The following ADAMTS6 variants were observed in gnomAD, a reference collection of about 807,000 sequenced individuals.
ADAMTS6 encodes the protein ADAM metallopeptidase with thrombospondin type 1 motif 6.
A neutral mutation model predicts 144.3 loss-of-function variants in ADAMTS6; 23 were observed. The ratio of observed to expected loss-of-function variants is 0.16; its 90% CI spans 0.11 to 0.23. The LOEUF is 0.23. Ranked by LOEUF, ADAMTS6 falls within the 10% of genes least tolerant of loss-of-function variation. The pLI is 1.00. For missense variants in ADAMTS6, 999 were observed against 1,379.6 expected, an observed-to-expected ratio of 0.72 and a Z score of 4.37; for synonymous variants, 444 against 457.5, an observed-to-expected ratio of 0.97 and a Z score of 0.38.
At chr5:65,428,450 C>A (rs1438769460) in intron 7 of ADAMTS6, among the ~76,000 whole-genome samples, 1 of 152,068 alleles carries the variant, frequency 6.6e-6, no homozygotes, top group African/African-American at 2.4e-5. Flanking sequence ...CATTCAAACT[C>A]ATGAATATAA....
chr5:65,195,174 GA>G (rs1312051377), intron 21 of ADAMTS6, among the ~76,000 whole-genome samples: 7 of 152,178 alleles, frequency 4.6e-5, no homozygotes, highest in Non-Finnish European at 1.0e-4. Context: ...TGGAAACATA[GA>G]AAGGGACAAA....
intron 13 of ADAMTS6, among the ~76,000 whole-genome samples, chr5:65,262,354 T>C (rs1416723716): frequency 1.3e-5 from 2 of 152,242 alleles, no homozygotes; most frequent in Non-Finnish European, 2.9e-5. Context: ...CTTTTCATTG[T>C]GATTTGTGAT....
chr5:65,333,945 A>G, intron 8 of ADAMTS6, 97 bp downstream of exon 8: 1 of 1,196,802 alleles, frequency 8.4e-7, no homozygotes, highest in South Asian at 2.9e-5. Context: ...AATTAATAAT[A>G]AAGATTAAAG....
chr5:65,207,726 G>T (rs989855512), intron 20 of ADAMTS6, among the ~76,000 whole-genome samples: 2 of 152,202 alleles, frequency 1.3e-5, no homozygotes, highest in African/African-American at 2.4e-5. Context: ...TAATTTAAAA[G>T]AAAACAAATT....
intron 12 of ADAMTS6, among the ~76,000 whole-genome samples, chr5:65,269,104 G>T (rs997337658): frequency 6.6e-6 from 1 of 152,064 alleles, no homozygotes; most frequent in Non-Finnish European, 1.5e-5. Flanking sequence ...ACTCTCTACT[G>T]CCAGCTAAGG....
chr5:65,173,741 C>T (rs1561248235), intron 22 of ADAMTS6, among the ~76,000 whole-genome samples: 1 of 152,092 alleles, frequency 6.6e-6, no homozygotes, highest in Non-Finnish European at 1.5e-5. Context: ...ATATGTAATT[C>T]AGGCCAGGCA....
chr5:65,231,759 A>G (rs1440217999), intron 15 of ADAMTS6, among the ~76,000 whole-genome samples: 1 of 152,200 alleles, frequency 6.6e-6, no homozygotes, highest in Non-Finnish European at 1.5e-5. Flanking sequence ...ATTAAAGAAC[A>G]TGCTCCTGAA....
At chr5:65,185,008 G>C (rs535763490) in intron 22 of ADAMTS6, among the ~76,000 whole-genome samples, 1 of 152,276 alleles carries the variant, frequency 6.6e-6, no homozygotes, top group Admixed American at 6.5e-5. Context: ...GAAGTGGGGA[G>C]GGGGCAGAAA....
At chr5:65,292,229 T>C (rs1742382950) in intron 10 of ADAMTS6, among the ~76,000 whole-genome samples, 1 of 152,158 alleles carries the variant, frequency 6.6e-6, no homozygotes, top group South Asian at 2.1e-4. Context: ...CTTTGCTAAA[T>C]ATAATTGTTC....
chr5:65,210,478 G>A lies in ADAMTS6; in HGVS notation c.2575+4316C>T, dbSNP rs149037636. ...AAAAAAAAAAAAAAAAAAGATCTAT[G>A]AAGGCCAAGCGGAGTTGATTGGAGA... On this transcript the variant is annotated intron_variant, in intron 20 of 24. Coordinates refer to ENST00000381055, the MANE Select transcript of ADAMTS6 (RefSeq NM_197941.4). The A allele has an allele frequency of 7.5e-3, 1,751 of 233,272 alleles. 94 individuals carry two copies. In the Admixed American group the frequency reaches 0.075, roughly 10 times the overall value. The allele number at this position is 233,272 out of a possible 1,614,324, so 14.5% of individuals were successfully genotyped here. A position where few individuals can be genotyped will look rare whatever the true frequency, so the allele number is the denominator to read the frequency against.
intron 7 of ADAMTS6, among the ~76,000 whole-genome samples, chr5:65,390,373 T>TGTG (rs1752813327): frequency 6.6e-6 from 1 of 152,194 alleles, no homozygotes; most frequent in African/African-American, 2.4e-5. Flanking sequence ...TAGAGTAGGC[T>TGTG]GACAGAGATT....
intron 7 of ADAMTS6, among the ~76,000 whole-genome samples, chr5:65,442,879 T>TC (rs752158032): frequency 4.6e-5 from 7 of 152,152 alleles, no homozygotes; most frequent in Non-Finnish European, 8.8e-5. Context: ...CCTCCCTGTG[T>TC]CCATGTGTTC....
chr5:65,247,834 C>A (rs1019149362), intron 14 of ADAMTS6, among the ~76,000 whole-genome samples: 1 of 152,084 alleles, frequency 6.6e-6, no homozygotes, highest in Non-Finnish European at 1.5e-5. Flanking sequence ...GCTTTCATAC[C>A]AAATTCACTC....
intron 7 of ADAMTS6, among the ~76,000 whole-genome samples, chr5:65,347,836 G>T (rs1032816018): frequency 7.4e-4 from 112 of 151,774 alleles, no homozygotes; most frequent in African/African-American, 2.6e-3. Flanking sequence ...AGAATCTTCT[G>T]ATCCATAGAA....
intron 9 of ADAMTS6, among the ~76,000 whole-genome samples, chr5:65,323,229 TA>T (rs1745799367): frequency 6.6e-6 from 1 of 151,136 alleles, no homozygotes; most frequent in Non-Finnish European, 1.5e-5. Flanking sequence ...ACTCGTCATT[TA>T]GCATTAGGTA....
chr5:65,181,933 T>C (rs932990311), intron 22 of ADAMTS6, among the ~76,000 whole-genome samples: 2 of 152,212 alleles, frequency 1.3e-5, no homozygotes, highest in African/African-American at 4.8e-5. Context: ...GTCTGGGACA[T>C]ACATCTCTTG....
chr5:65,352,116 G>A (rs1002711211), intron 7 of ADAMTS6, among the ~76,000 whole-genome samples: 12 of 151,114 alleles, frequency 7.9e-5, no homozygotes, highest in African/African-American at 2.7e-4. Flanking sequence ...ACTTGTCAAA[G>A]TATCTAGCAG....
At chr5:65,324,907 A>G (rs1246659620) in intron 9 of ADAMTS6, among the ~76,000 whole-genome samples, 2 of 152,218 alleles carry the variant, frequency 1.3e-5, no homozygotes, top group African/African-American at 4.8e-5. Context: ...TCATAATAGC[A>G]CAAAACTAAA....
At chr5:65,283,465 AAAG>A (rs888639133) in intron 11 of ADAMTS6, among the ~76,000 whole-genome samples, 1 of 152,110 alleles carries the variant, frequency 6.6e-6, no homozygotes, top group Non-Finnish European at 1.5e-5. Context: ...AAAAAAAAGA[AAAG>A]AAAAGAAAAA....
Sources: gnomAD v4.1 joint callset for allele counts (sites outside exome capture counted in the v4.1 genomes callset) on GRCh38, gnomAD v4.1.1 for gene constraint, MANE v1.5 for transcripts, NCBI Gene and HGNC (gene_info 2026-07-23, HGNC 2026-07-21) for gene names.